PCDH19: variants seen among roughly 807,000 people sequenced by gnomAD.
The protein encoded by PCDH19 is protocadherin-19.
A neutral mutation model predicts 46.2 loss-of-function variants in PCDH19; 6 were observed. That is an observed-to-expected ratio of 0.13 (90% CI 0.07 to 0.26). The LOEUF is 0.26. Ranked by LOEUF, PCDH19 falls within the 10% of genes least tolerant of loss-of-function variation. PCDH19 has a pLI of 1.00. For synonymous variants in PCDH19, 481 were observed against 415.7 expected, an observed-to-expected ratio of 1.16 and a Z score of -1.91; for missense variants, 740 against 972.3, an observed-to-expected ratio of 0.76 and a Z score of 3.18.
chrX:100,309,748 C>A (rs995081037), intron 5 of PCDH19, among the ~76,000 whole-genome samples: 2 of 111,164 alleles, frequency 1.8e-5, no homozygotes, highest in African/African-American at 3.3e-5. Context: ...CTGAGACTGG[C>A]AAAGGGATGT....
At chrX:100,351,376 T>C (rs1926565183) in intron 3 of PCDH19, among the ~76,000 whole-genome samples, 1 of 112,850 alleles carries the variant, frequency 8.9e-6, no homozygotes, top group African/African-American at 3.2e-5. Flanking sequence ...CTGTTTAATC[T>C]GGTTACAGCA....
At chrX:100,376,576 G>A (rs1475550734) in intron 3 of PCDH19, among the ~76,000 whole-genome samples, 1 of 112,068 alleles carries the variant, frequency 8.9e-6, no homozygotes, top group East Asian at 2.8e-4. Flanking sequence ...ACTATGCTAG[G>A]AGTGCTGTTC....
intron 3 of PCDH19, among the ~76,000 whole-genome samples, chrX:100,377,761 G>A: frequency 8.9e-6 from 1 of 112,128 alleles, no homozygotes; most frequent in East Asian, 2.8e-4. Flanking sequence ...AGCAACTCAT[G>A]TAAGGGAACC....
chrX:100,376,940 T>C (rs1429493720), intron 3 of PCDH19, among the ~76,000 whole-genome samples: 2 of 112,538 alleles, frequency 1.8e-5, no homozygotes, highest in Non-Finnish European at 3.7e-5. Flanking sequence ...TGGGAAACCA[T>C]GACTTGCTCC....
At chrX:100,385,670 G>A (rs948199710) in intron 3 of PCDH19, among the ~76,000 whole-genome samples, 13 of 111,801 alleles carry the variant, frequency 1.2e-4, no homozygotes, top group African/African-American at 4.2e-4. Context: ...CGAGGCAGGC[G>A]GATCACTTGA....
intron 5 of PCDH19, among the ~76,000 whole-genome samples, chrX:100,329,356 C>T (rs1391046745): frequency 9.0e-6 from 1 of 111,649 alleles, no homozygotes; most frequent in African/African-American, 3.3e-5. Flanking sequence ...CTAAGCAAAA[C>T]CATCCAGTGA....
intron 3 of PCDH19, among the ~76,000 whole-genome samples, chrX:100,389,583 T>C (rs1305840343): frequency 9.0e-6 from 1 of 111,589 alleles, no homozygotes; most frequent in Admixed American, 9.6e-5. Flanking sequence ...GTAAAGGCTA[T>C]GTTAATTAGT....
In PCDH19 at chrX:100,407,460, G is replaced by T; in HGVS notation, c.1138C>A (p.Leu380Ile). Residue 380 changes from leucine to isoleucine, a missense_variant, in exon 1 of 6, where the codon CTC (leucine) becomes ATC (isoleucine). This residue lies in a region of PCDH19 where 186 missense variants were observed against 319.9 expected (regional missense o/e 0.58). Transcript: ENST00000373034. ...AAACGGCACTGCACACGTCCATTGA[G>T]GCCTGAGTCGCGATCAGACACCCGC... ...LVRVSDRDSG[L>I]NGRVQCRLLG... 1 of 1,211,930 alleles carries T rather than the reference G, an allele frequency of 8.3e-7. No individual in the cohort carries two copies. Among genetic ancestry groups the T allele is most frequent in the Non-Finnish European group, 1.1e-6 (1 of 895,644 alleles).
chrX:100,304,013 T>TA (rs1924866839), intron 5 of PCDH19, among the ~76,000 whole-genome samples: 1 of 112,096 alleles, frequency 8.9e-6, no homozygotes, highest in South Asian at 3.7e-4. Flanking sequence ...ATACATGCAT[T>TA]AAAAAATGCC....
chrX:100,324,619 G>T (rs1925621400), intron 5 of PCDH19, among the ~76,000 whole-genome samples: 1 of 112,188 alleles, frequency 8.9e-6, no homozygotes, highest in Non-Finnish European at 1.9e-5. Flanking sequence ...TATAAACTCT[G>T]TACATGGATA....
At chrX:100,339,735 A>C (rs1926197337) in intron 5 of PCDH19, among the ~76,000 whole-genome samples, 2 of 111,855 alleles carry the variant, frequency 1.8e-5, no homozygotes, top group Admixed American at 9.5e-5. Context: ...AACAAGGCCC[A>C]AATTCTTTTT....
rs748096550 is a variant in PCDH19 at position 100,383,914 on chromosome X, C to T, written c.2616+18610G>A. Among the ~76,000 whole-genome samples the T allele has an allele frequency of 2.7e-5, 3 of 111,621 alleles. No individual in the cohort carries two copies. In the East Asian group the frequency reaches 8.4e-4, roughly 31 times the overall value. ...ATAAATGAATAGCCCAGGAAAGGGC[C>T]TAGTCTCTATAAAAACTCAACATGT... is the stretch of plus-strand genomic sequence containing the variant. On this transcript the variant is annotated intron_variant, in intron 3 of 5. Transcript: ENST00000373034.
chrX:100,395,097 C>T (rs1259649291), intron 3 of PCDH19, among the ~76,000 whole-genome samples: 2 of 110,304 alleles, frequency 1.8e-5, no homozygotes, highest in Non-Finnish European at 3.8e-5. Flanking sequence ...CCGTTTTAGC[C>T]GGGATGGTCT....
At chrX:100,377,519 C>T (rs969989377) in intron 3 of PCDH19, among the ~76,000 whole-genome samples, 15 of 112,095 alleles carry the variant, frequency 1.3e-4, no homozygotes, top group Admixed American at 1.1e-3. Context: ...TTGTAAACTC[C>T]GCAGTATCTA....
intron 1 of PCDH19, among the ~76,000 whole-genome samples, chrX:100,406,030 TCTC>T (rs1163236303): frequency 1.0e-4 from 11 of 110,446 alleles, no homozygotes; most frequent in African/African-American, 2.3e-4. Flanking sequence ...CAACACTCCC[TCTC>T]CTTTCATTCA....
chrX:100,348,951 G>T (rs1926493516), intron 4 of PCDH19, among the ~76,000 whole-genome samples: 1 of 103,150 alleles, frequency 9.7e-6, no homozygotes. Flanking sequence ...GAGATGGTGG[G>T]GGGTGGGGGG....
chrX:100,403,233 A>G (rs1188300510), intron 2 of PCDH19, among the ~76,000 whole-genome samples: 2 of 111,538 alleles, frequency 1.8e-5, no homozygotes, highest in African/African-American at 6.5e-5. Context: ...GGTGAAATAC[A>G]AAGCAAGTCA....
intron 5 of PCDH19, among the ~76,000 whole-genome samples, chrX:100,330,300 C>T (rs1925837751): frequency 8.9e-6 from 1 of 111,950 alleles, no homozygotes; most frequent in South Asian, 3.7e-4. Flanking sequence ...ATTGTTCACA[C>T]AGGTTGGAAA....
intron 3 of PCDH19, among the ~76,000 whole-genome samples, chrX:100,351,475 T>G (rs1277173821): frequency 2.7e-5 from 3 of 112,044 alleles, no homozygotes; most frequent in Admixed American, 1.9e-4. Flanking sequence ...CACCCAGAGG[T>G]TGGGAGAACT....
Sources: allele counts gnomAD v4.1 joint callset (sites outside exome capture counted in the v4.1 genomes callset), GRCh38; gene constraint gnomAD v4.1.1; regional missense constraint gnomAD v4.1.1; transcripts MANE v1.5; gene names NCBI Gene and HGNC (gene_info 2026-07-23, HGNC 2026-07-21).